The following SNTG1 variants were observed in gnomAD, a reference collection of about 807,000 sequenced individuals.
The protein encoded by SNTG1 is gamma-1-syntrophin.
In SNTG1, 39 loss-of-function variants were observed where a neutral mutation model predicts 74.7. That is an observed-to-expected ratio of 0.52 (90% CI 0.40 to 0.68). The LOEUF is 0.68. Ranked by LOEUF, SNTG1 falls within the 30% of genes least tolerant of loss-of-function variation. The pLI is 0.00. For synonymous variants in SNTG1, 254 were observed against 217.1 expected (o/e 1.17, Z -1.49); for missense variants, 685 against 609.5 (o/e 1.12, Z -1.30).
intron 1 of SNTG1, among the ~76,000 whole-genome samples, chr8:50,034,585 C>T (rs935511962): frequency 7.2e-5 from 11 of 152,232 alleles, no homozygotes; most frequent in African/African-American, 2.6e-4. Context: ...TGCCCCAAAC[C>T]TGGGATTTCA....
chr8:50,151,095 T>A (rs983018249), intron 1 of SNTG1, among the ~76,000 whole-genome samples: 1 of 152,202 alleles, frequency 6.6e-6, no homozygotes, highest in Non-Finnish European at 1.5e-5. Flanking sequence ...CAGAGCCTGT[T>A]ATTGGTCTAT....
At chr8:50,380,363 C>G (rs2131221096) in intron 2 of SNTG1, among the ~76,000 whole-genome samples, 1 of 152,244 alleles carries the variant, frequency 6.6e-6, no homozygotes, top group East Asian at 1.9e-4. Context: ...GGAGAGGGTA[C>G]ACACTGGGTT....
intron 2 of SNTG1, among the ~76,000 whole-genome samples, chr8:50,325,295 TATAA>T (rs1397284325): frequency 6.6e-6 from 1 of 151,814 alleles, no homozygotes. Context: ...GTAATAAATC[TATAA>T]ATAAAATAGC....
At chr8:50,504,372 A>C (rs2093989088) in intron 9 of SNTG1, among the ~76,000 whole-genome samples, 1 of 152,164 alleles carries the variant, frequency 6.6e-6, no homozygotes, top group Non-Finnish European at 1.5e-5. Context: ...TGACCCAGCA[A>C]TCCCATCACT....
intron 1 of SNTG1, among the ~76,000 whole-genome samples, chr8:49,947,223 C>G (rs1210751198): frequency 6.6e-6 from 1 of 152,072 alleles, no homozygotes; most frequent in Admixed American, 6.6e-5. Context: ...ATTCTCAAAC[C>G]TGGGAGGCAG....
intron 2 of SNTG1, among the ~76,000 whole-genome samples, chr8:50,290,741 T>C (rs1375831531): frequency 6.6e-6 from 1 of 152,252 alleles, no homozygotes; most frequent in Non-Finnish European, 1.5e-5. Flanking sequence ...TTAAATTTTT[T>C]GGGATTTATT....
At chr8:50,317,233 T>C (rs909419455) in intron 2 of SNTG1, among the ~76,000 whole-genome samples, 2 of 152,186 alleles carry the variant, frequency 1.3e-5, no homozygotes, top group Non-Finnish European at 2.9e-5. Context: ...CAAAAACTTG[T>C]ATCCTTTGCA....
At chr8:50,233,734 G>GA (rs71235783) in intron 2 of SNTG1, among the ~76,000 whole-genome samples, 124,784 of 150,202 alleles carry the variant, frequency 0.83, 53,176 homozygotes, top group East Asian at 0.99. Flanking sequence ...TTAGAAAATG[G>GA]AAAAAAAAAT....
intron 2 of SNTG1, among the ~76,000 whole-genome samples, chr8:50,368,680 C>T (rs117930375): frequency 0.049 from 7,482 of 152,026 alleles, 252 homozygotes; most frequent in Non-Finnish European, 0.071. Context: ...TCTATAGGAC[C>T]GTCTGGTCCT....
At chr8:50,570,794 C>T (rs71512000) in intron 12 of SNTG1, among the ~76,000 whole-genome samples, 7,585 of 151,362 alleles carry the variant, frequency 0.05, 312 homozygotes, top group Non-Finnish European at 0.078. Context: ...TTAGTAGAGA[C>T]AGGGTTTCAC....
chr8:50,735,584 A>G (rs920932535), intron 17 of SNTG1, among the ~76,000 whole-genome samples: 1 of 152,018 alleles, frequency 6.6e-6, no homozygotes, highest in South Asian at 2.1e-4. Flanking sequence ...AAAAGAATGA[A>G]AAGGAATGAT....
At chr8:49,986,532 A>G (rs1475638822) in intron 1 of SNTG1, among the ~76,000 whole-genome samples, 1 of 152,136 alleles carries the variant, frequency 6.6e-6, no homozygotes, top group African/African-American at 2.4e-5. Flanking sequence ...TATAGCCCAG[A>G]TTAAATAATA....
intron 2 of SNTG1, among the ~76,000 whole-genome samples, chr8:50,173,896 G>A (rs2082897663): frequency 6.6e-6 from 1 of 152,148 alleles, no homozygotes; most frequent in Non-Finnish European, 1.5e-5. Context: ...AGGTATACAT[G>A]TGCCATGGTG....
intron 2 of SNTG1, among the ~76,000 whole-genome samples, chr8:50,240,342 C>T (rs1481669640): frequency 6.6e-6 from 1 of 152,112 alleles, no homozygotes; most frequent in Non-Finnish European, 1.5e-5. Context: ...GGCTGAATTG[C>T]TTTTCTCAAT....
intron 12 of SNTG1, among the ~76,000 whole-genome samples, chr8:50,565,911 A>G (rs940842632): frequency 1.3e-5 from 2 of 152,126 alleles, no homozygotes; most frequent in East Asian, 3.9e-4. Flanking sequence ...CAGAGGTAAT[A>G]AAAGGTACCT....
chr8:50,478,759 A>G (rs1207108086), intron 8 of SNTG1, among the ~76,000 whole-genome samples: 2 of 152,180 alleles, frequency 1.3e-5, no homozygotes, highest in African/African-American at 4.8e-5. Context: ...CCTTGAAATG[A>G]GAAAGCAAAT....
At chr8:50,459,309 A>C (rs901484399) in intron 8 of SNTG1, among the ~76,000 whole-genome samples, 8 of 152,198 alleles carry the variant, frequency 5.3e-5, no homozygotes, top group Non-Finnish European at 1.0e-4. Flanking sequence ...AAGCCATCAA[A>C]CTTTGTTCTG....
intron 1 of SNTG1, among the ~76,000 whole-genome samples, chr8:50,036,160 C>A (rs948575243): frequency 3.3e-5 from 5 of 152,102 alleles, no homozygotes; most frequent in African/African-American, 1.2e-4. Context: ...CAAGAATATG[C>A]ATTGAATGTG....
At chr8:49,914,053 T>C in intron 1 of SNTG1, among the ~76,000 whole-genome samples, 1 of 152,182 alleles carries the variant, frequency 6.6e-6, no homozygotes, top group East Asian at 1.9e-4. Flanking sequence ...ATGGAAACCC[T>C]TGTCAATCCT....
Sources: allele counts gnomAD v4.1 joint callset (sites outside exome capture counted in the v4.1 genomes callset), GRCh38; gene constraint gnomAD v4.1.1; transcripts MANE v1.5; gene names NCBI Gene and HGNC (gene_info 2026-07-23, HGNC 2026-07-21).